The following CLEC3B variants were observed in gnomAD, a reference collection of about 807,000 sequenced individuals.
CLEC3B encodes C-type lectin domain family 3 member B, also known as tetranectin.
In CLEC3B, 13 loss-of-function variants were observed where a neutral mutation model predicts 15.4. The ratio of observed to expected loss-of-function variants is 0.84; its 90% CI spans 0.55 to 1.34. CLEC3B has a LOEUF of 1.34. Ranked by LOEUF, CLEC3B falls within the 40% of genes most tolerant of loss-of-function variation. CLEC3B has a pLI of 0.00. For missense variants in CLEC3B, 242 were observed against 268.6 expected (o/e 0.90, Z 0.69); for synonymous variants, 112 against 114.7 (o/e 0.98, Z 0.15).
chr3:45,029,119 C>G (rs1372905357), intron 1 of CLEC3B, among the ~76,000 whole-genome samples: 1 of 151,296 alleles, frequency 6.6e-6, no homozygotes, highest in South Asian at 2.1e-4. Flanking sequence ...TGCCCAGGGC[C>G]GTAGAGACAC....
At chr3:45,027,651 G>A (rs1308844967) in intron 1 of CLEC3B, among the ~76,000 whole-genome samples, 1 of 152,220 alleles carries the variant, frequency 6.6e-6, no homozygotes, top group Non-Finnish European at 1.5e-5. Flanking sequence ...GCTGGGCGCA[G>A]TCTCAACTGG....
At chr3:45,028,152 A>C (rs1190866283) in intron 1 of CLEC3B, among the ~76,000 whole-genome samples, 3 of 152,180 alleles carry the variant, frequency 2.0e-5, no homozygotes, top group African/African-American at 7.2e-5. Flanking sequence ...CCACGTAGGC[A>C]CCAGTCTATA....
chr3:45,027,827 T>C (rs1697503996), intron 1 of CLEC3B, among the ~76,000 whole-genome samples: 1 of 152,126 alleles, frequency 6.6e-6, no homozygotes, highest in Non-Finnish European at 1.5e-5. Flanking sequence ...AAGATGCAGC[T>C]CCAAAGGCAA....
intron 1 of CLEC3B, 72 bp downstream of exon 1, chr3:45,026,543 CTCCTT>C (rs1697487726): frequency 2.2e-6 from 3 of 1,340,308 alleles, no homozygotes; most frequent in Non-Finnish European, 3.2e-6. Context: ...TGTCCTCATG[CTCCTT>C]TCCTTCATTT....
In CLEC3B at chr3:45,035,735, C is replaced by T. The variant is rs774601147; in HGVS notation, c.420C>T (p.Ala140=). Residue 140 remains alanine (A), a synonymous_variant, in exon 3 of 3, where the codon GCC becomes GCT. Coordinates refer to ENST00000296130, the MANE Select transcript of CLEC3B (RefSeq NM_003278.3). ...EIWLGLNDMA[A]EGTWVDMTGA... is the part of the protein sequence containing the mutation. ...GGCTGGGCCTCAACGACATGGCGGCCGAGGGCACCTGGGTGGACATGACCG... is the reference window on the plus strand; with the variant it reads ...GGCTGGGCCTCAACGACATGGCGGCTGAGGGCACCTGGGTGGACATGACCG... The T allele has an allele frequency of 3.1e-6, 5 of 1,613,734 alleles. No individual in the cohort carries two copies. The highest frequency in any genetic ancestry group is 1.6e-4 in the Middle Eastern group (1 of 6,062).
At chr3:45,032,900 A>C (rs539760241) in intron 2 of CLEC3B, among the ~76,000 whole-genome samples, 106 of 152,348 alleles carry the variant, frequency 7.0e-4, no homozygotes, top group Admixed American at 1.9e-3. Flanking sequence ...GGCAAGAAGG[A>C]GGAAGAGTAG....
At chr3:45,027,343 C>T (rs1012811030) in intron 1 of CLEC3B, among the ~76,000 whole-genome samples, 1 of 152,208 alleles carries the variant, frequency 6.6e-6, no homozygotes, top group Non-Finnish European at 1.5e-5. Flanking sequence ...CATAAATGGA[C>T]AGTTGCCCAC....
chr3:45,031,381 G>A (rs961166425), intron 2 of CLEC3B, among the ~76,000 whole-genome samples: 13 of 152,208 alleles, frequency 8.5e-5, no homozygotes, highest in Admixed American at 2.6e-4. Context: ...TCTCTTAATC[G>A]TAACTCTGCT....
At chr3:45,034,505 C>T (rs192649541) in intron 2 of CLEC3B, 3 of 152,346 alleles carry the variant, frequency 2.0e-5, no homozygotes, top group African/African-American at 2.4e-5. Flanking sequence ...TGCAGACATA[C>T]ACCTGTCTGT....
At position 45,028,479 on chromosome 3, in the gene CLEC3B, C is replaced by T. The variant is rs192475135; in HGVS notation, c.109+2008C>T. On this transcript the variant is annotated intron_variant, in intron 1 of 2. Coordinates refer to ENST00000296130, the MANE Select transcript of CLEC3B (RefSeq NM_003278.3). ...GCTGAGGCAGGAGAATTGCTTGAAC[C>T]TGGGAGGTGGAGGTTGCAATGGGCC... 1.5e-3 allele frequency among the ~76,000 whole-genome samples: 226 copies of T among 152,350 alleles called. 1 individual carries two copies. Among genetic ancestry groups the T allele is most frequent in the Middle Eastern group, 6.8e-3 (2 of 294 alleles).
chr3:45,031,631 C>A (rs1697556130), intron 2 of CLEC3B, among the ~76,000 whole-genome samples: 1 of 152,172 alleles, frequency 6.6e-6, no homozygotes, highest in African/African-American at 2.4e-5. Flanking sequence ...GGAGGGTGCA[C>A]AGAATCACCA....
chr3:45,030,012 C>T (rs1010349028), intron 1 of CLEC3B: 5 of 247,534 alleles, frequency 2.0e-5, no homozygotes, highest in South Asian at 1.5e-4. Context: ...CTGCCATCCT[C>T]GGCCAGTTGG....
intron 1 of CLEC3B, among the ~76,000 whole-genome samples, chr3:45,027,263 C>T (rs1697496180): frequency 6.6e-6 from 1 of 152,202 alleles, no homozygotes; most frequent in South Asian, 2.1e-4. Flanking sequence ...AAACAAGCAG[C>T]TAGGACCAAG....
At position 45,030,941 on chromosome 3, in the gene CLEC3B, A is replaced by G. The variant is rs1231087451; in HGVS notation, c.208+16A>G. On this transcript the variant is annotated intron_variant, in intron 2 of 2. Coordinates refer to ENST00000296130, the MANE Select transcript of CLEC3B (RefSeq NM_003278.3). ...CTGCAGACGGGTGAGTGCAGGCAGTAGCCTCTCTGGGCAGGAGCGTCTGAG... is the reference window on the plus strand; with the variant it reads ...CTGCAGACGGGTGAGTGCAGGCAGTGGCCTCTCTGGGCAGGAGCGTCTGAG... 6 of 1,541,292 alleles carry G rather than the reference A, an allele frequency of 3.9e-6. No homozygotes were observed. Among genetic ancestry groups the G allele is most frequent in the Admixed American group, 1.9e-5 (1 of 51,592 alleles).
At chr3:45,027,549 T>C (rs1408525202) in intron 1 of CLEC3B, among the ~76,000 whole-genome samples, 1 of 152,240 alleles carries the variant, frequency 6.6e-6, no homozygotes, top group Non-Finnish European at 1.5e-5. Flanking sequence ...ATTTATATAA[T>C]AATACATTTT....
At chr3:45,032,930 T>G (rs538020275) in intron 2 of CLEC3B, among the ~76,000 whole-genome samples, 8 of 152,176 alleles carry the variant, frequency 5.3e-5, no homozygotes, top group Non-Finnish European at 1.2e-4. Context: ...ATCTGTCTCA[T>G]TTATAGGGAA....
intron 2 of CLEC3B, among the ~76,000 whole-genome samples, chr3:45,031,718 A>G (rs1480487593): frequency 2.6e-5 from 4 of 152,074 alleles, no homozygotes; most frequent in African/African-American, 9.7e-5. Flanking sequence ...CTCACTCCCC[A>G]TGTTCCTGTC....
At chr3:45,033,851 A>G (rs893375187) in intron 2 of CLEC3B, among the ~76,000 whole-genome samples, 58 of 152,350 alleles carry the variant, frequency 3.8e-4, no homozygotes, top group African/African-American at 1.3e-3. Context: ...AGTTTAACCC[A>G]CAGGAGACTT....
At chr3:45,034,048 C>T (rs1307178370) in intron 2 of CLEC3B, among the ~76,000 whole-genome samples, 1 of 152,196 alleles carries the variant, frequency 6.6e-6, no homozygotes, top group Non-Finnish European at 1.5e-5. Flanking sequence ...ATGGGTCAGT[C>T]TTGGGTGTAG....
Sources: gnomAD v4.1 joint callset for allele counts (sites outside exome capture counted in the v4.1 genomes callset) on GRCh38, gnomAD v4.1.1 for gene constraint, MANE v1.5 for transcripts, NCBI Gene and HGNC (gene_info 2026-07-23, HGNC 2026-07-21) for gene names.